The following TOMM7 variants were observed in gnomAD, a reference collection of about 807,000 sequenced individuals.
TOMM7 encodes the protein mitochondrial import receptor subunit TOM7 homolog.
TOMM7 carries 8 observed loss-of-function variants against 9.5 expected under a neutral mutation model. The observed-to-expected ratio is 0.84, with a 90% CI of 0.49 to 1.51. The LOEUF is 1.51. TOMM7 is among the 40% of genes most tolerant of loss of function. The pLI, the probability that TOMM7 is intolerant of heterozygous loss-of-function variation, is 0.00. For missense variants in TOMM7, 74 were observed against 63.7 expected, an observed-to-expected ratio of 1.16 and a Z score of -0.55; for synonymous variants, 27 against 21.4, an observed-to-expected ratio of 1.26 and a Z score of -0.72.
chr7:22,815,861 G>A (rs1782310704), intron 2 of TOMM7, among the ~76,000 whole-genome samples: 1 of 151,936 alleles, frequency 6.6e-6, no homozygotes, highest in South Asian at 2.1e-4. Flanking sequence ...ACAAAAAACA[G>A]AGTAGTTTTA....
At chr7:22,816,715 G>A (rs1050842660) in intron 2 of TOMM7, among the ~76,000 whole-genome samples, 3 of 152,192 alleles carry the variant, frequency 2.0e-5, no homozygotes, top group Admixed American at 2.0e-4. Context: ...AGAGCAGCAA[G>A]GCAGATGTGG....
Position 22,813,201 on chromosome 7 carries a change from AGAG to A in TOMM7, c.153-19_153-17del. The stretch of plus-strand genomic sequence containing the variant: ...CCAAAGTAGGCTAAAATGTTTGTGA[AGAG>A]AAGAAAGAAATTAAATTCCGAAATA... On this transcript the variant is annotated splice_polypyrimidine_tract_variant and intron_variant, in intron 2 of 2. Transcript: ENST00000358435. The A allele has an allele frequency of 6.2e-7, 1 of 1,607,576 alleles. No homozygotes were observed. Among genetic ancestry groups the A allele is most frequent in the Non-Finnish European group, 8.5e-7 (1 of 1,177,650 alleles).
chr7:22,821,905 T>G (rs978173573), intron 1 of TOMM7, among the ~76,000 whole-genome samples: 4 of 151,602 alleles, frequency 2.6e-5, no homozygotes, highest in East Asian at 3.9e-4. Context: ...GAGACTGAGG[T>G]GGAAGGATCG....
At chr7:22,822,595 C>T in intron 1 of TOMM7, 82 bp downstream of exon 1, 2 of 1,268,168 alleles carry the variant, frequency 1.6e-6, no homozygotes, top group Non-Finnish European at 2.3e-6. Flanking sequence ...TTTTCTCTCC[C>T]TCCCCCGACG....
At position 22,822,461 on chromosome 7, in the gene TOMM7, G is replaced by A. The variant is rs185703481; in HGVS notation, c.103+216C>T. ...TTAAGGATGCAAAAATAGAAAAGGA[G>A]GGATTGCAAGACTGCTTAAAGACCA... On this transcript the variant is annotated intron_variant, in intron 1 of 2. Transcript: ENST00000358435. 2,538 of 715,246 alleles carry A rather than the reference G, an allele frequency of 3.5e-3. 103 individuals carry two copies. In the Admixed American group the frequency reaches 0.068, roughly 19 times the overall value. The allele number at this position is 715,246 out of a possible 1,614,324, so 44.3% of individuals were successfully genotyped here.
intron 1 of TOMM7, chr7:22,822,327 A>G: frequency 6.7e-7 from 1 of 1,501,358 alleles, no homozygotes; most frequent in Non-Finnish European, 8.9e-7. Context: ...TGGAGCGGTG[A>G]GGAAAAACAC....
intron 1 of TOMM7, among the ~76,000 whole-genome samples, chr7:22,819,491 C>T (rs1428234500): frequency 1.3e-5 from 2 of 152,180 alleles, no homozygotes; most frequent in Non-Finnish European, 2.9e-5. Context: ...CTGCCTCAGC[C>T]TCCTGAGTAG....
chr7:22,821,914 C>A (rs559820169), intron 1 of TOMM7, among the ~76,000 whole-genome samples: 12 of 152,210 alleles, frequency 7.9e-5, no homozygotes, highest in Admixed American at 7.8e-4. Flanking sequence ...GTGGAAGGAT[C>A]GCTAGAGCAC....
chr7:22,815,387 A>AT (rs933075318), intron 2 of TOMM7, among the ~76,000 whole-genome samples: 59 of 152,194 alleles, frequency 3.9e-4, no homozygotes, highest in African/African-American at 1.4e-3. Flanking sequence ...ATGCTTTGTC[A>AT]ATTCCTGTCC....
rs778462898 is a variant in TOMM7, at chr7:22,822,771, C to A, written c.9G>T (p.Lys3Asn). 6.2e-7 allele frequency: 1 copy of A among 1,614,172 alleles called. No individual in the cohort carries two copies. The highest frequency in any genetic ancestry group is 1.1e-5 in the South Asian group (1 of 91,078). Residue 3 changes from lysine (K) to asparagine (N), a missense_variant, in exon 1 of 3, where the codon AAG becomes AAT. By Grantham distance (94) the Lys-to-Asn change is moderately conservative (BLOSUM62 0). Coordinates refer to ENST00000358435, the MANE Select transcript of TOMM7 (RefSeq NM_019059.5). ...GTCTCTGCTTGGCCTCTTTGCTCAGCTTCACCATGGCGACGGCCGTGTGGC... is the reference window on the plus strand; with the variant it reads ...GTCTCTGCTTGGCCTCTTTGCTCAGATTCACCATGGCGACGGCCGTGTGGC... MV[K>N]LSKEAKQRLQ... is the part of the protein sequence containing the mutation.
chr7:22,813,044 G>T lies in TOMM7; in HGVS notation c.*126C>A. 1.1e-6 allele frequency: 1 copy of T among 892,142 alleles called. No individual in the cohort carries two copies. Among genetic ancestry groups the T allele is most frequent in the Non-Finnish European group, 1.9e-6 (1 of 533,344 alleles). 55.3% of individuals were successfully genotyped at this position (892,142 alleles called of 1,614,324 possible). A position where few individuals can be genotyped will look rare whatever the true frequency, so the allele number is the denominator to read the frequency against. On this transcript the variant is annotated 3_prime_UTR_variant, in exon 3 of 3. Transcript: ENST00000358435. ...ACAAGTTCCACTCTGCTACAGATGC[G>T]TCTGTGAAGAGCCTTGTGCCATCCA...
At chr7:22,820,697 A>AGTGGGT (rs1390366063) in intron 1 of TOMM7, among the ~76,000 whole-genome samples, 12 of 152,208 alleles carry the variant, frequency 7.9e-5, no homozygotes, top group African/African-American at 2.7e-4. Context: ...AAGTGAAAGA[A>AGTGGGT]GTGGGTGTGG....
intron 2 of TOMM7, 58 bp from the exon 3 acceptor site, chr7:22,813,243 C>T (rs904350530): frequency 5.8e-6 from 9 of 1,539,146 alleles, no homozygotes; most frequent in Non-Finnish European, 8.0e-6. Context: ...ATCTTCTAGA[C>T]ATAACCTAAG....
intron 1 of TOMM7, among the ~76,000 whole-genome samples, chr7:22,819,831 C>T (rs80034634): frequency 0.011 from 1,642 of 152,312 alleles, 34 homozygotes; most frequent in Non-Finnish European, 0.011. Context: ...AAATGCAAGA[C>T]ACCATGGAGA....
At chr7:22,822,365 G>A in intron 1 of TOMM7, 1 of 1,309,340 alleles carries the variant, frequency 7.6e-7, no homozygotes, top group East Asian at 2.5e-5. Flanking sequence ...GCTAGAGAGT[G>A]AATTAGTGAC....
rs752876727 is a variant in TOMM7 at position 22,818,051 on chromosome 7, G to C, written c.104-3C>G. The C allele has an allele frequency of 7.4e-6, 12 of 1,613,584 alleles. No individual in the cohort carries two copies. The highest frequency in any genetic ancestry group is 1.0e-5 in the Non-Finnish European group (12 of 1,179,644). On this transcript the variant is annotated splice_polypyrimidine_tract_variant and splice_region_variant and intron_variant, in intron 1 of 2. Coordinates refer to ENST00000358435, the MANE Select transcript of TOMM7 (RefSeq NM_019059.5). ...GGGATCTGCACCCCTCTTAAATCCT[G>C]AATCAAGGAAGACAGAAGAGAAAAA...
rs768173908 is a variant in TOMM7 at position 22,822,628 on chromosome 7, C to A, written c.103+49G>T. The A allele has an allele frequency of 1.9e-6, 3 of 1,543,612 alleles. No individual in the cohort carries two copies. The African/African-American group carries it at 4.1e-5, about 21-fold the overall frequency. On this transcript the variant is annotated intron_variant, in intron 1 of 2. Transcript: ENST00000358435. The stretch of plus-strand genomic sequence containing the variant: ...ACGGCCAAAAATGGGGCTGCTGTCT[C>A]CGCCACCCTCTTCCCTCCAGTCACT...
intron 2 of TOMM7, among the ~76,000 whole-genome samples, chr7:22,815,452 T>C (rs538817031): frequency 3.3e-5 from 5 of 150,564 alleles, no homozygotes; most frequent in South Asian, 2.1e-4. Context: ...TCCTAGCACA[T>C]TGGGAGGCCC....
intron 1 of TOMM7, among the ~76,000 whole-genome samples, chr7:22,820,490 C>G (rs1782372017): frequency 1.3e-5 from 2 of 152,086 alleles, no homozygotes; most frequent in African/African-American, 4.8e-5. Context: ...GAGGAGGGAA[C>G]AGTAGATGAA....
Sources: gnomAD v4.1 joint callset for allele counts (sites outside exome capture counted in the v4.1 genomes callset) on GRCh38, gnomAD v4.1.1 for gene constraint, MANE v1.5 for transcripts, NCBI Gene and HGNC (gene_info 2026-07-23, HGNC 2026-07-21) for gene names.